The following DSCAM variants were observed in gnomAD, a reference collection of about 807,000 sequenced individuals.
DSCAM encodes the protein DS cell adhesion molecule.
In DSCAM, 47 loss-of-function variants were observed where a neutral mutation model predicts 217.7. That is an observed-to-expected ratio of 0.22 (90% CI 0.17 to 0.28). The LOEUF is 0.28. DSCAM is among the 10% of genes least tolerant of loss of function. The probability of loss-of-function intolerance (pLI) is 1.00; values close to 1 mark genes in which losing one functional copy is unlikely to be tolerated. For synonymous variants in DSCAM, 1,056 were observed against 1,015.3 expected (o/e 1.04, Z -0.76); for missense variants, 2,080 against 2,618.3 (o/e 0.79, Z 4.49).
intron 3 of DSCAM, among the ~76,000 whole-genome samples, chr21:40,564,505 T>C (rs781392280): frequency 8.5e-5 from 13 of 152,170 alleles, no homozygotes; most frequent in Admixed American, 2.0e-4. Context: ...TCTCTATCAA[T>C]ACTTCTGGCC....
At chr21:40,245,478 C>T (rs988535273) in intron 11 of DSCAM, among the ~76,000 whole-genome samples, 79 of 152,132 alleles carry the variant, frequency 5.2e-4, no homozygotes, top group African/African-American at 1.8e-3. Context: ...CATGAGGTTC[C>T]CGGGGCTGGG....
intron 3 of DSCAM, among the ~76,000 whole-genome samples, chr21:40,434,588 A>C (rs1689001299): frequency 6.6e-6 from 1 of 152,174 alleles, no homozygotes; most frequent in African/African-American, 2.4e-5. Context: ...CTAGGAAAAC[A>C]AGGTGAGCAA....
At chr21:40,215,900 T>G (rs1554940) in intron 11 of DSCAM, among the ~76,000 whole-genome samples, 82,434 of 151,418 alleles carry the variant, frequency 0.54, 22,781 homozygotes, top group East Asian at 0.71. Flanking sequence ...TTGTCTACAT[T>G]CTGTATAAAA....
At chr21:40,533,099 C>A (rs1421569161) in intron 3 of DSCAM, among the ~76,000 whole-genome samples, 1 of 152,084 alleles carries the variant, frequency 6.6e-6, no homozygotes, top group East Asian at 1.9e-4. Context: ...AGTTAGTCAG[C>A]AAAAGCAGGG....
chr21:40,542,743 T>C (rs1225995197), intron 3 of DSCAM, among the ~76,000 whole-genome samples: 1 of 152,190 alleles, frequency 6.6e-6, no homozygotes, highest in Non-Finnish European at 1.5e-5. Flanking sequence ...TTGAACTTTA[T>C]GATTGCAACC....
At chr21:40,208,453 C>A (rs138835210) in intron 11 of DSCAM, among the ~76,000 whole-genome samples, 2 of 152,144 alleles carry the variant, frequency 1.3e-5, no homozygotes, top group Admixed American at 6.5e-5. Flanking sequence ...TGGGCTAAAC[C>A]GGGCCACAAT....
rs752097825 is a variant in DSCAM at position 40,347,741 on chromosome 21, C to T, written c.1139G>A (p.Gly380Glu). ...LIMDHMVKSD[G>E]GAYQCFVRKD... ...GCGCACAAAGCACTGGTATGCGCCC[C>T]CGTCACTTTTGACCATGTGATCCAT... The change falls in exon 6 of 33, where the codon GGG becomes GAG. Residue 380 changes from glycine to glutamate, a missense_variant. Physicochemically the swap from Gly to Glu is moderately conservative, Grantham distance 98 (BLOSUM62 -2). Coordinates refer to ENST00000400454, the MANE Select transcript of DSCAM (RefSeq NM_001389.5). 35 of 1,614,080 alleles carry T rather than the reference C, an allele frequency of 2.2e-5. No homozygotes were observed. Among genetic ancestry groups the T allele is most frequent in the Non-Finnish European group, 2.8e-5 (33 of 1,180,034 alleles).
chr21:40,830,940 C>T (rs1004996620), intron 1 of DSCAM, among the ~76,000 whole-genome samples: 1 of 152,184 alleles, frequency 6.6e-6, no homozygotes, highest in African/African-American at 2.4e-5. Context: ...CCATGGGATC[C>T]CTGGCCAAGG....
At chr21:40,313,250 T>G (rs2074159998) in intron 8 of DSCAM, among the ~76,000 whole-genome samples, 1 of 152,206 alleles carries the variant, frequency 6.6e-6, no homozygotes, top group African/African-American at 2.4e-5. Flanking sequence ...TTACTTTGCA[T>G]CTCTTAGTTT....
intron 3 of DSCAM, among the ~76,000 whole-genome samples, chr21:40,487,485 G>A (rs1333952305): frequency 6.6e-6 from 1 of 152,124 alleles, no homozygotes; most frequent in East Asian, 1.9e-4. Flanking sequence ...GGGGGCTGCT[G>A]GAGCCACATC....
intron 3 of DSCAM, among the ~76,000 whole-genome samples, chr21:40,486,725 T>C (rs2837658): frequency 0.69 from 104,776 of 152,100 alleles, 37,153 homozygotes; most frequent in African/African-American, 0.87. Flanking sequence ...AACTGATATT[T>C]GAAGAACCTA....
intron 4 of DSCAM, among the ~76,000 whole-genome samples, chr21:40,360,565 C>G (rs2074751433): frequency 6.6e-6 from 1 of 152,036 alleles, no homozygotes. Context: ...ACATGAGGTA[C>G]TTGGTTTTCT....
intron 3 of DSCAM, among the ~76,000 whole-genome samples, chr21:40,656,257 A>C (rs1421647587): frequency 6.6e-6 from 1 of 152,162 alleles, no homozygotes; most frequent in African/African-American, 2.4e-5. Context: ...GGCTACATTC[A>C]ACCTTTCTTA....
In DSCAM at chr21:40,340,090, T is replaced by C. The variant is rs372222142; in HGVS notation, c.1211-675A>G. Among the ~76,000 whole-genome samples the C allele has an allele frequency of 3.3e-5, 5 of 152,214 alleles. No homozygotes were observed. In the South Asian group the frequency reaches 8.3e-4, roughly 25 times the overall value. On this transcript the variant is annotated intron_variant, in intron 6 of 32. Coordinates refer to ENST00000400454, the MANE Select transcript of DSCAM (RefSeq NM_001389.5). ...TATTAAATGCCGTGTATTAAAAACC[T>C]CTAAAGATATCTTAAGTAGGGTACT...
At chr21:40,478,595 T>C (rs1003540497) in intron 3 of DSCAM, among the ~76,000 whole-genome samples, 2 of 152,168 alleles carry the variant, frequency 1.3e-5, no homozygotes, top group Non-Finnish European at 2.9e-5. Flanking sequence ...TCTTGGCCAA[T>C]AGGGAGGATT....
intron 32 of DSCAM, among the ~76,000 whole-genome samples, chr21:40,035,940 A>G (rs1352097925): frequency 6.7e-6 from 1 of 149,300 alleles, no homozygotes; most frequent in Non-Finnish European, 1.5e-5. Flanking sequence ...AAATGAAGCT[A>G]GAAATAAAGA....
Position 40,356,388 on chromosome 21 carries a change from G to GATATATATATATAT in DSCAM, c.656-2659_656-2646dup, listed in dbSNP as rs60717299. Among the ~76,000 whole-genome samples, 20 of 147,370 alleles carry GATATATATATATAT rather than the reference G, an allele frequency of 1.4e-4. 1 individual carries two copies. The South Asian group carries it at 1.7e-3, about 13-fold the overall frequency. On this transcript the variant is annotated intron_variant, in intron 4 of 32. Transcript: ENST00000400454. ...TAGATATGTTATTTTGCTTGATAGT[G>GATATATATATATAT]ATATATATATATATATATATGCACA...
chr21:40,107,385 C>T (rs921570524), intron 20 of DSCAM, among the ~76,000 whole-genome samples: 2 of 152,100 alleles, frequency 1.3e-5, no homozygotes, highest in African/African-American at 4.8e-5. Context: ...TGTTTTACTT[C>T]TGATTAATAT....
intron 1 of DSCAM, among the ~76,000 whole-genome samples, chr21:40,802,185 AG>A (rs1330589980): frequency 6.6e-6 from 1 of 152,212 alleles, no homozygotes; most frequent in Non-Finnish European, 1.5e-5. Context: ...TCGGAGGCTA[AG>A]GTGGAGTCAA....
Sources: gnomAD v4.1 joint callset for allele counts (sites outside exome capture counted in the v4.1 genomes callset) on GRCh38, gnomAD v4.1.1 for gene constraint, MANE v1.5 for transcripts, NCBI Gene and HGNC (gene_info 2026-07-23, HGNC 2026-07-21) for gene names.